ROBO1: variants seen among roughly 807,000 people sequenced by gnomAD.
ROBO1 encodes the protein roundabout guidance receptor 1.
A neutral mutation model predicts 195.9 loss-of-function variants in ROBO1; 149 were observed. That is an observed-to-expected ratio of 0.76 (90% confidence interval 0.67 to 0.87). The LOEUF is 0.87. Among genes scored for constraint, ROBO1 ranks in the 40% least tolerant of loss-of-function variants. The pLI, the probability that ROBO1 is intolerant of heterozygous loss-of-function variation, is 0.00. For synonymous variants in ROBO1, 816 were observed against 733.2 expected (o/e 1.11, Z -1.82); for missense variants, 1,933 against 2,068.3 (o/e 0.93, Z 1.27).
chr3:78,955,111 G>A (rs987760640), intron 3 of ROBO1, among the ~76,000 whole-genome samples: 1 of 114,768 alleles, frequency 8.7e-6, no homozygotes, highest in African/African-American at 4.6e-5. Flanking sequence ...GTGTCATGGG[G>A]TTATATAGGT....
chr3:79,557,565 CTGCACTAAAAA>C (rs1419049210), intron 2 of ROBO1, among the ~76,000 whole-genome samples: 1 of 151,470 alleles, frequency 6.6e-6, no homozygotes, highest in Non-Finnish European at 1.5e-5. Flanking sequence ...GAAACCCTGT[CTGCACTAAAAA>C]TGCAAAAATT....
intron 4 of ROBO1, among the ~76,000 whole-genome samples, chr3:78,917,764 G>A (rs1576397469): frequency 6.6e-6 from 1 of 152,210 alleles, no homozygotes; most frequent in South Asian, 2.1e-4. Flanking sequence ...CAGCTTTGAA[G>A]GATTTATTTT....
At chr3:79,044,735 A>C (rs2078556862) in intron 3 of ROBO1, among the ~76,000 whole-genome samples, 1 of 152,096 alleles carries the variant, frequency 6.6e-6, no homozygotes, top group Admixed American at 6.6e-5. Flanking sequence ...CTTAACTAGA[A>C]AGTTTGACTA....
chr3:79,748,054 C>T (rs1703950491), intron 1 of ROBO1, among the ~76,000 whole-genome samples: 1 of 151,930 alleles, frequency 6.6e-6, no homozygotes, highest in Admixed American at 6.6e-5. Flanking sequence ...AAAAAAAATA[C>T]TACTGCAGAT....
intron 3 of ROBO1, among the ~76,000 whole-genome samples, chr3:79,096,032 T>A (rs1300988669): frequency 6.6e-6 from 1 of 152,068 alleles, no homozygotes; most frequent in African/African-American, 2.4e-5. Flanking sequence ...ATAGTGAACA[T>A]TCATGTATAA....
chr3:78,638,617 C>A (rs1353999618), intron 22 of ROBO1, among the ~76,000 whole-genome samples: 1 of 152,110 alleles, frequency 6.6e-6, no homozygotes, highest in African/African-American at 2.4e-5. Flanking sequence ...CCCCTGTAAT[C>A]CCAACACTTT....
chr3:79,538,729 G>C (rs560416428), intron 2 of ROBO1, among the ~76,000 whole-genome samples: 2 of 152,212 alleles, frequency 1.3e-5, no homozygotes, highest in East Asian at 3.9e-4. Flanking sequence ...TGGTTACAAT[G>C]TTGCATTGTT....
At chr3:78,662,703 T>G (rs993919139) in intron 14 of ROBO1, among the ~76,000 whole-genome samples, 2 of 152,112 alleles carry the variant, frequency 1.3e-5, no homozygotes, top group Non-Finnish European at 2.9e-5. Flanking sequence ...TAAAATAAAA[T>G]AAAGCTGATT....
intron 4 of ROBO1, among the ~76,000 whole-genome samples, chr3:78,925,462 T>A (rs1260179934): frequency 6.6e-6 from 1 of 152,204 alleles, no homozygotes; most frequent in Non-Finnish European, 1.5e-5. Context: ...AAATGAGGCA[T>A]AAGGCCGAGC....
At chr3:79,710,079 A>C (rs916698303) in intron 1 of ROBO1, among the ~76,000 whole-genome samples, 2 of 152,172 alleles carry the variant, frequency 1.3e-5, no homozygotes, top group Non-Finnish European at 2.9e-5. Context: ...TTTATGAGCC[A>C]ATAAAGAAGC....
At chr3:79,021,966 G>A (rs2078112763) in intron 3 of ROBO1, among the ~76,000 whole-genome samples, 1 of 152,108 alleles carries the variant, frequency 6.6e-6, no homozygotes. Context: ...CCGGCCTAGA[G>A]ATGATATTTC....
At chr3:79,695,369 T>A (rs1947413949) in intron 1 of ROBO1, among the ~76,000 whole-genome samples, 1 of 151,630 alleles carries the variant, frequency 6.6e-6, no homozygotes, top group Admixed American at 6.6e-5. Flanking sequence ...GAGTATTCAA[T>A]ACACCAGTGT....
chr3:78,739,147 C>T (rs765817859), intron 5 of ROBO1, among the ~76,000 whole-genome samples: 6 of 152,088 alleles, frequency 3.9e-5, no homozygotes, highest in Non-Finnish European at 8.8e-5. Context: ...TTAAGCTCTT[C>T]TTCTTAATAA....
intron 2 of ROBO1, among the ~76,000 whole-genome samples, chr3:79,563,201 T>G (rs1576030316): frequency 6.6e-6 from 1 of 152,022 alleles, no homozygotes. Context: ...CCCCTTCAAC[T>G]TGTAGCACAC....
At chr3:79,112,653 A>G (rs534012635) in intron 3 of ROBO1, among the ~76,000 whole-genome samples, 1 of 152,202 alleles carries the variant, frequency 6.6e-6, no homozygotes, top group South Asian at 2.1e-4. Context: ...AAACTATCAC[A>G]AGGACAAAAA....
chr3:78,650,816 G>C (rs1417071077), intron 19 of ROBO1, among the ~76,000 whole-genome samples: 1 of 152,058 alleles, frequency 6.6e-6, no homozygotes, highest in Non-Finnish European at 1.5e-5. Flanking sequence ...GAGCAAGAAG[G>C]GGTACTAGAA....
At chr3:79,575,195 A>AATATATATAACATATATATAAAT (rs1943421821) in intron 2 of ROBO1, among the ~76,000 whole-genome samples, 2 of 51,526 alleles carry the variant, frequency 3.9e-5, no homozygotes, top group Non-Finnish European at 7.9e-5. Context: ...CATATATATA[A>AATATATATAACATATATATAAAT]ATATATATAT....
chr3:79,590,826 TGATA>T (rs770293787), intron 1 of ROBO1, among the ~76,000 whole-genome samples: 20 of 151,638 alleles, frequency 1.3e-4, no homozygotes, highest in African/African-American at 3.9e-4. Context: ...GGTAGATAGA[TGATA>T]GATAGATAGA....
intron 4 of ROBO1, among the ~76,000 whole-genome samples, chr3:78,893,895 C>T (rs748709982): frequency 2.6e-5 from 4 of 152,118 alleles, no homozygotes; most frequent in Non-Finnish European, 5.9e-5. Context: ...CAAAAGGCTG[C>T]TGCTCCTTTC....
Sources: gnomAD v4.1 joint callset for allele counts (sites outside exome capture counted in the v4.1 genomes callset) on GRCh38, gnomAD v4.1.1 for gene constraint, MANE v1.5 for transcripts, NCBI Gene and HGNC (gene_info 2026-07-23, HGNC 2026-07-21) for gene names.